The following GKAP1 variants were observed in gnomAD, a reference collection of about 807,000 sequenced individuals.
GKAP1 encodes G kinase-anchoring protein 1.
In GKAP1, 31 loss-of-function variants were observed where a neutral mutation model predicts 56.7. The observed-to-expected ratio is 0.55, with a 90% CI of 0.41 to 0.74. The LOEUF (loss-of-function observed/expected upper bound fraction) is 0.74. Among genes scored for constraint, GKAP1 ranks in the 30% least tolerant of loss-of-function variants. GKAP1 has a pLI of 0.00. For missense variants in GKAP1, 364 were observed against 402.3 expected, an observed-to-expected ratio of 0.90 and a Z score of 0.82; for synonymous variants, 151 against 138.6, an observed-to-expected ratio of 1.09 and a Z score of -0.63.
intron 2 of GKAP1, 64 bp from the exon 3 acceptor site, chr9:83,806,624 TAAA>T: frequency 1.1e-6 from 1 of 892,864 alleles, no homozygotes; most frequent in Non-Finnish European, 1.7e-6. Context: ...TTGTAGATTC[TAAA>T]ACAACCATAT....
At chr9:83,769,979 TGTGCTTATTGAA>T (rs1943729500) in intron 7 of GKAP1, among the ~76,000 whole-genome samples, 2 of 152,212 alleles carry the variant, frequency 1.3e-5, no homozygotes, top group South Asian at 4.1e-4. Context: ...ATCCCTTTTG[TGTGCTTATTGAA>T]GATTTGTATA....
At chr9:83,812,777 AG>A (rs1944530016) in intron 2 of GKAP1, among the ~76,000 whole-genome samples, 2 of 152,210 alleles carry the variant, frequency 1.3e-5, no homozygotes, top group African/African-American at 4.8e-5. Context: ...GTCAAAATTT[AG>A]AAAGGGCAAC....
intron 7 of GKAP1, 149 bp from the exon 8 acceptor site, chr9:83,769,119 G>C: frequency 8.8e-6 from 5 of 565,442 alleles, no homozygotes. Flanking sequence ...ACAGCTAAGA[G>C]ACAATCAACG....
At position 83,779,608 on chromosome 9, in the gene GKAP1, CAT is replaced by C. The variant is rs1319184688; in HGVS notation, c.585+772_585+773del. Among the ~76,000 whole-genome samples the C allele has an allele frequency of 1.6e-3, 122 of 78,506 alleles. 6 individuals are homozygous for C. Among genetic ancestry groups the C allele is most frequent in the East Asian group, 9.5e-3 (16 of 1,692 alleles). 51.5% of individuals were successfully genotyped at this position (78,506 alleles called of 152,430 possible). A position where few individuals can be genotyped will look rare whatever the true frequency, so the allele number is the denominator to read the frequency against. ...ACACGTATATGTGTATATATATACA[CAT>C]ATACACACACACACACACACACACA... On this transcript the variant is annotated intron_variant, in intron 7 of 12. Coordinates refer to ENST00000376371, the MANE Select transcript of GKAP1 (RefSeq NM_025211.4).
rs113203462 is a variant in GKAP1, at chr9:83,755,949, C to T, written c.739-2590G>A. On this transcript the variant is annotated intron_variant, in intron 8 of 12. Transcript: ENST00000376371. ...TCTCCCAAGTAGCTGGGATTACAGGCGCCTGCCACCACTGCTGGCTAATTT... is the reference window on the plus strand; with the variant it reads ...TCTCCCAAGTAGCTGGGATTACAGGTGCCTGCCACCACTGCTGGCTAATTT... Among the ~76,000 whole-genome samples, 42 of 151,886 alleles carry T rather than the reference C, an allele frequency of 2.8e-4. 1 individual carries two copies. In the South Asian group the frequency reaches 6.0e-3, roughly 22 times the overall value.
At position 83,769,013 on chromosome 9, in the gene GKAP1, T is replaced by C. The variant is rs780905032; in HGVS notation, c.586-43A>G. ...CGATTTACTATCATTCAACATGCACTGATATGCATTTAATACACCTAGTCA... is the reference window on the plus strand; with the variant it reads ...CGATTTACTATCATTCAACATGCACCGATATGCATTTAATACACCTAGTCA... On this transcript the variant is annotated intron_variant, in intron 7 of 12. Transcript: ENST00000376371. 4.6e-6 allele frequency: 7 copies of C among 1,511,606 alleles called. No individual in the cohort carries two copies. The Admixed American group carries it at 7.0e-5, about 15-fold the overall frequency. 93.6% of individuals were successfully genotyped at this position (1,511,606 alleles called of 1,614,324 possible).
intron 12 of GKAP1, among the ~76,000 whole-genome samples, chr9:83,741,308 TTTATA>T (rs1943202118): frequency 6.6e-6 from 1 of 151,786 alleles, no homozygotes; most frequent in African/African-American, 2.4e-5. Flanking sequence ...GTTAATGTAT[TTTATA>T]TTATGATTTA....
intron 6 of GKAP1, among the ~76,000 whole-genome samples, chr9:83,781,027 G>A (rs1381289673): frequency 2.6e-5 from 4 of 152,174 alleles, no homozygotes; most frequent in African/African-American, 9.7e-5. Context: ...TTTCTGGAAA[G>A]GAATTATCAA....
intron 6 of GKAP1, among the ~76,000 whole-genome samples, chr9:83,781,756 T>A (rs1943975724): frequency 6.6e-6 from 1 of 152,152 alleles, no homozygotes. Context: ...CAAATTTACA[T>A]ACCATTTAAG....
chr9:83,768,561 C>A (rs546103141), intron 8 of GKAP1, among the ~76,000 whole-genome samples: 1 of 152,184 alleles, frequency 6.6e-6, no homozygotes, highest in African/African-American at 2.4e-5. Flanking sequence ...TGTTTCCACT[C>A]CCTCATACGA....
chr9:83,759,808 G>A (rs186310879), intron 8 of GKAP1, among the ~76,000 whole-genome samples: 1,559 of 151,884 alleles, frequency 0.01, 26 homozygotes, highest in African/African-American at 0.036. Flanking sequence ...ACCTTCCTTC[G>A]GTTTTTTCCT....
intron 8 of GKAP1, among the ~76,000 whole-genome samples, chr9:83,760,242 T>C (rs1304639601): frequency 1.3e-5 from 2 of 152,112 alleles, no homozygotes; most frequent in East Asian, 3.9e-4. Flanking sequence ...ACAAAATAGA[T>C]TTCAAGACAA....
At position 83,779,553 on chromosome 9, in the gene GKAP1, A is replaced by ATGTGTATATATATACACGTG. The variant is rs1263158887; in HGVS notation, c.585+828_585+829insCACGTGTATATATATACACA. Among the ~76,000 whole-genome samples, 227 of 27,708 alleles carry ATGTGTATATATATACACGTG rather than the reference A, an allele frequency of 8.2e-3. 1 individual carries two copies. The East Asian group carries it at 0.089, about 11-fold the overall frequency. 18.2% of individuals were successfully genotyped at this position (27,708 alleles called of 152,430 possible). ...TATATGTGTATATATATACACGTGT[A>ATGTGTATATATATACACGTG]TATGTGTATATATATACACACATAT... On this transcript the variant is annotated intron_variant, in intron 7 of 12. Transcript: ENST00000376371.
At chr9:83,760,962 AAAGC>A (rs1250420666) in intron 8 of GKAP1, among the ~76,000 whole-genome samples, 1 of 152,002 alleles carries the variant, frequency 6.6e-6, no homozygotes, top group Non-Finnish European at 1.5e-5. Context: ...AAGAACTAGA[AAAGC>A]AAGAGCAAAC....
intron 7 of GKAP1, among the ~76,000 whole-genome samples, chr9:83,771,205 G>C (rs1943754001): frequency 6.6e-6 from 1 of 151,700 alleles, no homozygotes; most frequent in African/African-American, 2.4e-5. Context: ...TGGGATTACA[G>C]GCACATGCCA....
chr9:83,813,435 T>A (rs1168847323), intron 2 of GKAP1, among the ~76,000 whole-genome samples: 1 of 152,170 alleles, frequency 6.6e-6, no homozygotes, highest in Non-Finnish European at 1.5e-5. Flanking sequence ...ATTTTTCCCC[T>A]CCTCCCTTTG....
At chr9:83,815,176 A>T (rs1256887417) in intron 2 of GKAP1, among the ~76,000 whole-genome samples, 2 of 152,142 alleles carry the variant, frequency 1.3e-5, no homozygotes, top group Non-Finnish European at 2.9e-5. Flanking sequence ...GTCTCAAAAA[A>T]ATGAAAAACT....
intron 10 of GKAP1, among the ~76,000 whole-genome samples, chr9:83,744,708 G>A (rs1000784937): frequency 2.6e-5 from 4 of 152,068 alleles, no homozygotes; most frequent in African/African-American, 9.7e-5. Flanking sequence ...TGAGACAGGT[G>A]TATTAGTTCA....
intron 7 of GKAP1, among the ~76,000 whole-genome samples, chr9:83,771,237 G>GTTGTTTGTTTGT (rs57442408): frequency 7.2e-4 from 108 of 150,852 alleles, no homozygotes; most frequent in African/African-American, 2.3e-3. Flanking sequence ...TAATTTTTTT[G>GTTGTTTGTTTGT]TTGTTTGTTT....
Sources: allele counts gnomAD v4.1 joint callset (sites outside exome capture counted in the v4.1 genomes callset), GRCh38; gene constraint gnomAD v4.1.1; transcripts MANE v1.5; gene names NCBI Gene and HGNC (gene_info 2026-07-23, HGNC 2026-07-21).